DLG2: variants seen among roughly 807,000 people sequenced by gnomAD.
DLG2 encodes discs large MAGUK scaffold protein 2, also known as disks large homolog 2.
A neutral mutation model predicts 132.5 loss-of-function variants in DLG2; 45 were observed. The observed-to-expected ratio is 0.34, with a 90% confidence interval of 0.27 to 0.44. The LOEUF (loss-of-function observed/expected upper bound fraction) is 0.44, where lower values mean the gene tolerates loss of function less well. Ranked by LOEUF, DLG2 falls within the 20% of genes least tolerant of loss-of-function variation. The pLI, the probability that DLG2 is intolerant of heterozygous loss-of-function variation, is 1.00. For missense variants in DLG2, 1,045 were observed against 1,196.9 expected (o/e 0.87, Z 1.87); for synonymous variants, 424 against 419.6 (o/e 1.01, Z -0.13).
At chr11:84,606,302 G>A (rs76729013) in intron 6 of DLG2, among the ~76,000 whole-genome samples, 4,927 of 152,098 alleles carry the variant, frequency 0.032, 96 homozygotes, top group Middle Eastern at 0.058. Flanking sequence ...AATTTTATGC[G>A]TACATGATAA....
chr11:85,436,038 C>G (rs576301996), intron 3 of DLG2, among the ~76,000 whole-genome samples: 1 of 151,886 alleles, frequency 6.6e-6, no homozygotes, highest in Admixed American at 6.6e-5. Flanking sequence ...CTTCAACAAA[C>G]CTAAAAAAAA....
intron 12 of DLG2, among the ~76,000 whole-genome samples, chr11:83,970,524 A>T (rs1017314658): frequency 1.3e-5 from 2 of 152,228 alleles, no homozygotes; most frequent in African/African-American, 4.8e-5. Context: ...GTATTATGAT[A>T]CTGGCAACAG....
chr11:84,703,821 T>C (rs1249941360), intron 6 of DLG2, among the ~76,000 whole-genome samples: 1 of 142,882 alleles, frequency 7.0e-6, no homozygotes, highest in East Asian at 2.1e-4. Flanking sequence ...TAGTGTCTTC[T>C]TAGCTTAGAA....
At chr11:83,721,225 C>T (rs962031805) in intron 18 of DLG2, among the ~76,000 whole-genome samples, 2 of 152,086 alleles carry the variant, frequency 1.3e-5, no homozygotes, top group Admixed American at 6.5e-5. Flanking sequence ...TCAGTGTGAA[C>T]GTACAAGTTA....
intron 4 of DLG2, among the ~76,000 whole-genome samples, chr11:85,209,342 C>T (rs2082101535): frequency 6.6e-6 from 1 of 150,944 alleles, no homozygotes; most frequent in Non-Finnish European, 1.5e-5. Context: ...TGTACTAGGG[C>T]TGGTACAAGA....
intron 15 of DLG2, among the ~76,000 whole-genome samples, chr11:83,899,435 G>A (rs1185605032): frequency 6.6e-6 from 1 of 152,178 alleles, no homozygotes; most frequent in African/African-American, 2.4e-5. Context: ...CTCTGATATG[G>A]ATTAGCTCTG....
intron 7 of DLG2, among the ~76,000 whole-genome samples, chr11:84,255,976 A>G (rs4943889): frequency 0.73 from 110,737 of 151,636 alleles, 40,932 homozygotes; most frequent in South Asian, 0.82. Context: ...ATTACAGAGA[A>G]GCAAGAAGCA....
intron 5 of DLG2, among the ~76,000 whole-genome samples, chr11:85,136,508 G>T (rs2076153930): frequency 6.6e-6 from 1 of 152,028 alleles, no homozygotes. Context: ...ACAGTGCTCA[G>T]TTGGGCCTGT....
At chr11:84,840,951 C>T (rs115161123) in intron 6 of DLG2, among the ~76,000 whole-genome samples, 1,713 of 148,516 alleles carry the variant, frequency 0.012, 40 homozygotes, top group African/African-American at 0.04. Flanking sequence ...AACAAACCTA[C>T]GTGTTGTGCT....
chr11:85,004,819 G>C (rs929239179), intron 6 of DLG2, among the ~76,000 whole-genome samples: 3 of 152,124 alleles, frequency 2.0e-5, no homozygotes, highest in Non-Finnish European at 4.4e-5. Context: ...GTCCTGAATG[G>C]TATTGCCAAG....
chr11:83,599,366 A>G (rs1390190380), intron 19 of DLG2, among the ~76,000 whole-genome samples: 4 of 152,030 alleles, frequency 2.6e-5, no homozygotes, highest in South Asian at 2.1e-4. Context: ...AGGCTATTTC[A>G]CACCTCCTTG....
chr11:83,545,602 TG>T (rs1289704706), intron 19 of DLG2, among the ~76,000 whole-genome samples: 41 of 152,040 alleles, frequency 2.7e-4, no homozygotes, highest in Admixed American at 2.7e-3. Context: ...CCATTTGAAG[TG>T]GGGGTGGGAC....
intron 15 of DLG2, among the ~76,000 whole-genome samples, chr11:83,928,469 T>C (rs1323765024): frequency 6.6e-6 from 1 of 151,922 alleles, no homozygotes; most frequent in African/African-American, 2.4e-5. Flanking sequence ...ATGTAACTTT[T>C]ACATTCATAA....
chr11:84,384,915 A>C (rs2098763177), intron 7 of DLG2, among the ~76,000 whole-genome samples: 1 of 152,116 alleles, frequency 6.6e-6, no homozygotes, highest in Non-Finnish European at 1.5e-5. Context: ...ACTTTAACTG[A>C]GATTTTGAAT....
intron 6 of DLG2, among the ~76,000 whole-genome samples, chr11:84,969,328 T>C (rs1448262017): frequency 6.6e-6 from 1 of 152,020 alleles, no homozygotes; most frequent in African/African-American, 2.4e-5. Flanking sequence ...TGGCTGGGAG[T>C]GCTGTGTCTG....
intron 15 of DLG2, among the ~76,000 whole-genome samples, chr11:83,887,546 G>C (rs9667779): frequency 0.81 from 122,293 of 151,732 alleles, 49,724 homozygotes; most frequent in African/African-American, 0.92. Context: ...ACCATTCCTT[G>C]TGAAACTATT....
intron 6 of DLG2, among the ~76,000 whole-genome samples, chr11:84,597,151 C>T (rs1347142400): frequency 6.6e-6 from 1 of 151,914 alleles, no homozygotes; most frequent in East Asian, 1.9e-4. Context: ...ACCTAGGAGG[C>T]AGAGGTTGCA....
At chr11:83,897,983 C>A (rs993118476) in intron 15 of DLG2, among the ~76,000 whole-genome samples, 1 of 152,196 alleles carries the variant, frequency 6.6e-6, no homozygotes, top group East Asian at 1.9e-4. Flanking sequence ...GTCACAAAAA[C>A]TAGTAAGAGA....
intron 6 of DLG2, among the ~76,000 whole-genome samples, chr11:84,849,075 C>G: frequency 6.6e-6 from 1 of 152,260 alleles, no homozygotes; most frequent in South Asian, 2.1e-4. Flanking sequence ...CTGGCAAGGT[C>G]ACATGGAGAA....
Sources: allele counts gnomAD v4.1 joint callset (sites outside exome capture counted in the v4.1 genomes callset), GRCh38; gene constraint gnomAD v4.1.1; transcripts MANE v1.5; gene names NCBI Gene and HGNC (gene_info 2026-07-23, HGNC 2026-07-21).